The following SLC14A2 variants were observed in gnomAD, a reference collection of about 807,000 sequenced individuals.
SLC14A2 encodes solute carrier family 14 member 2.
In SLC14A2, 91 loss-of-function variants were observed where a neutral mutation model predicts 104.6. That is an observed-to-expected ratio of 0.87 (90% CI 0.73 to 1.04). SLC14A2 has a LOEUF of 1.04. Ranked by LOEUF, SLC14A2 falls within the 50% of genes least tolerant of loss-of-function variation. SLC14A2 has a pLI of 0.00. For missense variants in SLC14A2, 1,189 were observed against 1,156.0 expected (o/e 1.03, Z -0.41); for synonymous variants, 476 against 466.4 (o/e 1.02, Z -0.27).
exon 2 of SLC14A2, chr18:45,483,298 T>A (rs868297822): frequency 6.6e-6 from 1 of 152,234 alleles, no homozygotes; most frequent in East Asian, 1.9e-4. Flanking sequence ...ATAGAACCAC[T>A]GACAACACTG....
At chr18:45,504,682 G>T (rs2043254471) in intron 2 of SLC14A2, among the ~76,000 whole-genome samples, 1 of 152,154 alleles carries the variant, frequency 6.6e-6, no homozygotes, top group Non-Finnish European at 1.5e-5. Context: ...ATTACCCAGT[G>T]GATACCTGGG....
At chr18:45,637,454 G>A (rs2045438919) in intron 6 of SLC14A2, among the ~76,000 whole-genome samples, 1 of 152,172 alleles carries the variant, frequency 6.6e-6, no homozygotes, top group Non-Finnish European at 1.5e-5. Context: ...ATTCTATACG[G>A]GGAAACAGAT....
upstream of SLC14A2, among the ~76,000 whole-genome samples, chr18:45,208,536 G>C (rs2083934118): frequency 6.6e-6 from 1 of 152,202 alleles, no homozygotes; most frequent in South Asian, 2.1e-4. Flanking sequence ...GGAAAGAAGG[G>C]AGAAGGAGAG....
At chr18:45,396,604 G>A (rs1230759373) in intron 1 of SLC14A2, among the ~76,000 whole-genome samples, 1 of 150,624 alleles carries the variant, frequency 6.6e-6, no homozygotes. Flanking sequence ...AATACAGCTT[G>A]GGAGTCAACC....
chr18:45,293,372 T>C (rs1224518561), intron 1 of SLC14A2, among the ~76,000 whole-genome samples: 3 of 152,158 alleles, frequency 2.0e-5, no homozygotes, highest in Admixed American at 2.0e-4. Flanking sequence ...GTGAATGTAA[T>C]GGACACAACA....
intron 1 of SLC14A2, among the ~76,000 whole-genome samples, chr18:45,315,048 A>G (rs1050113006): frequency 3.9e-5 from 6 of 152,204 alleles, no homozygotes; most frequent in Admixed American, 1.3e-4. Flanking sequence ...AGTTAAGCAT[A>G]CAAAAACAGA....
At chr18:45,196,236 G>A in the SLC14A2 span, among the ~76,000 whole-genome samples, 300 of 152,306 alleles carry the variant, frequency 2.0e-3, no homozygotes, top group African/African-American at 7.0e-3. Flanking sequence ...GAGGTAAGGG[G>A]GCAGTTTTAT....
rs1469560352 is a variant in SLC14A2 at position 45,666,944 on chromosome 18, A to T, written c.1567A>T (p.Thr523Ser). 6.2e-7 allele frequency: 1 copy of T among 1,613,350 alleles called. No individual in the cohort carries two copies. The highest frequency in any genetic ancestry group is 2.2e-5 in the East Asian group (1 of 44,878). The change falls in exon 13 of 20, where the codon ACC (threonine) becomes TCC (serine). Residue 523 changes from threonine (T) to serine (S), a missense_variant. Physicochemically the swap from Thr to Ser is moderately conservative, Grantham distance 58 (BLOSUM62 1). Coordinates refer to ENST00000255226, the MANE Select transcript of SLC14A2 (RefSeq NM_007163.4). ...TCTCTGTCCTGGACAGGATCTGGAC[A>T]CCATGGAGGAGAGCTCTGAGATAAA... ...KPTVELLDLD[T>S]MEESSEIKVE... is the part of the protein sequence containing the mutation.
Position 45,649,028 on chromosome 18 carries a change from G to A in SLC14A2, c.1351+4868G>A, listed in dbSNP as rs576240081. 5.9e-5 allele frequency among the ~76,000 whole-genome samples: 9 copies of A among 152,230 alleles called. No homozygotes were observed. The South Asian group carries it at 1.9e-3, about 32-fold the overall frequency. ...CTACTAAAAATACAAAAAAATTGCT[G>A]GGCATGGTGGCGGGTGCCTGTAGTC... On this transcript the variant is annotated intron_variant, in intron 10 of 19. Coordinates refer to ENST00000255226, the MANE Select transcript of SLC14A2 (RefSeq NM_007163.4).
intron 10 of SLC14A2, among the ~76,000 whole-genome samples, chr18:45,652,070 G>A (rs1347172378): frequency 6.6e-6 from 1 of 152,198 alleles, no homozygotes; most frequent in Non-Finnish European, 1.5e-5. Context: ...TGGAACATTT[G>A]TTTATGCTTT....
the SLC14A2 span, among the ~76,000 whole-genome samples, chr18:45,198,719 A>G: frequency 6.6e-6 from 1 of 152,022 alleles, no homozygotes; most frequent in South Asian, 2.1e-4. Context: ...AATTTTTAAC[A>G]TATCTGTGCT....
intron 1 of SLC14A2, among the ~76,000 whole-genome samples, chr18:45,369,919 A>G (rs554400165): frequency 2.0e-5 from 3 of 152,302 alleles, no homozygotes; most frequent in Non-Finnish European, 4.4e-5. Context: ...GGGAAGTTAT[A>G]GGAAATGTGT....
At position 45,510,693 on chromosome 18, in the gene SLC14A2, C is replaced by T. The variant is rs117933153; in HGVS notation, c.-35+27371C>T. The stretch of plus-strand genomic sequence containing the variant: ...ACCCACCGAGAGAGGCATAGAGATG[C>T]CCAAAGCCCCTCTCAGAACAGCCAG... On this transcript the variant is annotated intron_variant, in intron 2 of 20. Coordinates refer to the SLC14A2 transcript ENST00000586448. 7.4e-3 allele frequency among the ~76,000 whole-genome samples: 1,128 copies of T among 152,098 alleles called. 6 individuals are homozygous for T. Among genetic ancestry groups the T allele is most frequent in the Non-Finnish European group, 0.013 (882 of 68,000 alleles).
chr18:45,172,983 A>C, the SLC14A2 span, among the ~76,000 whole-genome samples: 1 of 152,102 alleles, frequency 6.6e-6, no homozygotes, highest in African/African-American at 2.4e-5. Context: ...TCAGTTTCTT[A>C]ATAGTTTAGG....
chr18:45,598,364 C>T (rs2044742514), intron 2 of SLC14A2, among the ~76,000 whole-genome samples: 1 of 152,146 alleles, frequency 6.6e-6, no homozygotes, highest in Non-Finnish European at 1.5e-5. Flanking sequence ...AATGACATGG[C>T]ACTGCAGCTT....
At chr18:45,395,594 C>G (rs534934809) in intron 1 of SLC14A2, among the ~76,000 whole-genome samples, 1 of 152,150 alleles carries the variant, frequency 6.6e-6, no homozygotes, top group African/African-American at 2.4e-5. Flanking sequence ...TTTATCTAAT[C>G]CAAACTTTTT....
intron 19 of SLC14A2, among the ~76,000 whole-genome samples, chr18:45,679,818 T>TC (rs796888746): frequency 8.5e-5 from 13 of 152,296 alleles, no homozygotes; most frequent in African/African-American, 2.9e-4. Context: ...TATCCCGTCT[T>TC]CCCCAGTGAA....
intron 1 of SLC14A2, among the ~76,000 whole-genome samples, chr18:45,221,759 G>C (rs2084064510): frequency 6.6e-6 from 1 of 152,058 alleles, no homozygotes; most frequent in Admixed American, 6.6e-5. Context: ...TTTTAGGACG[G>C]CACTTGGTGG....
At chr18:45,662,086 C>T (rs895500645) in intron 10 of SLC14A2, among the ~76,000 whole-genome samples, 1 of 152,158 alleles carries the variant, frequency 6.6e-6, no homozygotes, top group East Asian at 1.9e-4. Flanking sequence ...GGGTGGATCA[C>T]GAGGTCAGGA....
Sources: allele counts gnomAD v4.1 joint callset (sites outside exome capture counted in the v4.1 genomes callset), GRCh38; gene constraint gnomAD v4.1.1; transcripts MANE v1.5; gene names NCBI Gene and HGNC (gene_info 2026-07-23, HGNC 2026-07-21).